Variants in TNN observed in about 807,000 individuals in gnomAD.
TNN encodes tenascin N, also known as tenascin-N.
TNN carries 122 observed loss-of-function variants against 134.4 expected under a neutral mutation model. The observed-to-expected ratio is 0.91, with a 90% confidence interval of 0.78 to 1.06. The LOEUF is 1.06. TNN is among the 50% of genes least tolerant of loss of function. The pLI, the probability that TNN is intolerant of heterozygous loss-of-function variation, is 0.00. For synonymous variants in TNN, 710 were observed against 670.3 expected, an observed-to-expected ratio of 1.06 and a Z score of -0.91; for missense variants, 1,739 against 1,699.4, an observed-to-expected ratio of 1.02 and a Z score of -0.41.
At chr1:175,113,656 C>G (rs1675094388) in intron 9 of TNN, among the ~76,000 whole-genome samples, 1 of 152,004 alleles carries the variant, frequency 6.6e-6, no homozygotes, top group African/African-American at 2.4e-5. Context: ...TTTTCTATAC[C>G]TTTTTACATC....
chr1:175,070,333 T>C (rs1164172334), intron 1 of TNN, among the ~76,000 whole-genome samples: 1 of 152,184 alleles, frequency 6.6e-6, no homozygotes, highest in African/African-American at 2.4e-5. Context: ...CAAAACAAAA[T>C]GAGCCTGTGG....
At chr1:175,137,397 T>TGTGA (rs10638677) in intron 17 of TNN, among the ~76,000 whole-genome samples, 8,420 of 149,230 alleles carry the variant, frequency 0.056, 289 homozygotes, top group African/African-American at 0.093. Flanking sequence ...TGTGTGATTA[T>TGTGA]TTGAGCTTTT....
At chr1:175,092,361 T>C (rs559931942) in intron 6 of TNN, among the ~76,000 whole-genome samples, 1 of 152,182 alleles carries the variant, frequency 6.6e-6, no homozygotes, top group African/African-American at 2.4e-5. Flanking sequence ...ATCCTAATTG[T>C]CCACTCTGTC....
Position 175,112,464 on chromosome 1 carries a change from G to C in TNN, c.2120-4475G>C, listed in dbSNP as rs188163826. Among the ~76,000 whole-genome samples the C allele has an allele frequency of 1.3e-3, 190 of 151,642 alleles. 1 individual carries two copies. Among genetic ancestry groups the C allele is most frequent in the African/African-American group, 4.5e-3 (187 of 41,350 alleles). ...AGCATAGCTACTCCTGTTTGCTTTT[G>C]GTTTCTGTTTACATGGAATATCTTT... On this transcript the variant is annotated intron_variant, in intron 9 of 18. Transcript: ENST00000239462.
chr1:175,127,761 C>CA (rs1675568490), intron 13 of TNN, among the ~76,000 whole-genome samples: 2 of 152,180 alleles, frequency 1.3e-5, no homozygotes, highest in South Asian at 4.1e-4. Context: ...CAAAGTCTCC[C>CA]AGAAACTTGG....
chr1:175,147,250 G>A lies in TNN; in HGVS notation c.*179G>A, dbSNP rs1676093449. 1.8e-6 allele frequency: 1 copy of A among 547,818 alleles called. No individual in the cohort carries two copies. Among genetic ancestry groups the A allele is most frequent in the African/African-American group, 1.9e-5 (1 of 52,024 alleles). The allele number at this position is 547,818 out of a possible 1,614,324, so 33.9% of individuals were successfully genotyped here. A position where few individuals can be genotyped will look rare whatever the true frequency, so the allele number is the denominator to read the frequency against. ...CCTGCATTTTTGCCCGTCTTTATGA[G>A]GGTCTTGAAAATCAAAATAGTAGTT... On this transcript the variant is annotated 3_prime_UTR_variant, in exon 19 of 19. Transcript: ENST00000239462.
intron 11 of TNN, among the ~76,000 whole-genome samples, chr1:175,121,527 C>T (rs889900911): frequency 2.6e-5 from 4 of 152,172 alleles, no homozygotes; most frequent in African/African-American, 7.2e-5. Flanking sequence ...ATTTAAAAAA[C>T]ATTTTCCAGG....
At chr1:175,125,415 GCTT>G (rs1298879506) in intron 12 of TNN, among the ~76,000 whole-genome samples, 2 of 151,800 alleles carry the variant, frequency 1.3e-5, no homozygotes, top group African/African-American at 4.8e-5. Context: ...TTTTTGCTGA[GCTT>G]CTGTTTTCCT....
chr1:175,137,107 C>T (rs1222748754), intron 17 of TNN, 119 bp downstream of exon 17: 10 of 1,078,790 alleles, frequency 9.3e-6, no homozygotes, highest in Non-Finnish European at 1.3e-5. Context: ...GAATTGTTCT[C>T]ATTGACAGTG....
chr1:175,074,331 A>G (rs1216362711), intron 1 of TNN, among the ~76,000 whole-genome samples: 1 of 152,082 alleles, frequency 6.6e-6, no homozygotes, highest in Non-Finnish European at 1.5e-5. Context: ...AAAAAAATAC[A>G]AAAATTAGCC....
At position 175,093,179 on chromosome 1, in the gene TNN, G is replaced by A. The variant is rs114363143; in HGVS notation, c.1325-811G>A. Among the ~76,000 whole-genome samples the A allele has an allele frequency of 5.1e-3, 770 of 152,310 alleles. 4 individuals are homozygous for A. Among genetic ancestry groups the A allele is most frequent in the Non-Finnish European group, 7.5e-3 (513 of 68,022 alleles). ...CACTTCCCTGGCCTCCCCTCCAGCCGCTTGACTTAACTCTGTCTAGATGCA... is the reference window on the plus strand; with the variant it reads ...CACTTCCCTGGCCTCCCCTCCAGCCACTTGACTTAACTCTGTCTAGATGCA... On this transcript the variant is annotated intron_variant, in intron 6 of 18. Transcript: ENST00000239462.
At chr1:175,106,386 C>G (rs1262794194) in intron 9 of TNN, among the ~76,000 whole-genome samples, 2 of 145,634 alleles carry the variant, frequency 1.4e-5, no homozygotes, top group African/African-American at 4.9e-5. Context: ...TTTTGTTAGG[C>G]CTGTTAGTCT....
At chr1:175,084,004 G>T in intron 5 of TNN, 69 bp downstream of exon 5, 2 of 1,482,964 alleles carry the variant, frequency 1.3e-6, no homozygotes, top group Non-Finnish European at 9.3e-7. Flanking sequence ...TGTGCAGAGG[G>T]CACTGGCATC....
chr1:175,076,500 T>C (rs894656207), intron 1 of TNN, among the ~76,000 whole-genome samples: 3 of 152,176 alleles, frequency 2.0e-5, no homozygotes, highest in Non-Finnish European at 4.4e-5. Context: ...GAGGGACAGG[T>C]CCATTTCTCT....
At chr1:175,099,113 C>T (rs1674651692) in intron 9 of TNN, among the ~76,000 whole-genome samples, 1 of 152,150 alleles carries the variant, frequency 6.6e-6, no homozygotes, top group African/African-American at 2.4e-5. Context: ...TGTCTATTTT[C>T]ATGTAATAGT....
intron 15 of TNN, among the ~76,000 whole-genome samples, chr1:175,134,337 G>C (rs1317203721): frequency 6.6e-6 from 1 of 152,086 alleles, no homozygotes; most frequent in Admixed American, 6.5e-5. Context: ...ACGAAGTCAG[G>C]AGTTCAAGAC....
chr1:175,144,164 T>G (rs531798604), intron 17 of TNN, among the ~76,000 whole-genome samples: 4 of 152,208 alleles, frequency 2.6e-5, no homozygotes, highest in Admixed American at 2.6e-4. Context: ...TGAGAACTGT[T>G]GGAGAAACAG....
intron 9 of TNN, among the ~76,000 whole-genome samples, chr1:175,109,990 C>T (rs971455853): frequency 2.0e-5 from 3 of 152,048 alleles, no homozygotes; most frequent in African/African-American, 4.8e-5. Context: ...CTAGTATTCC[C>T]CTTTCTCCAC....
intron 18 of TNN, among the ~76,000 whole-genome samples, chr1:175,145,563 A>AAAAAAAAAAAAAAAAAAC (rs1676044129): frequency 6.8e-6 from 1 of 147,514 alleles, no homozygotes; most frequent in Non-Finnish European, 1.5e-5. Context: ...AAAAAAAAAA[A>AAAAAAAAAAAAAAAAAAC]AAAAAAAAAA....
Sources: gnomAD v4.1 joint callset for allele counts (sites outside exome capture counted in the v4.1 genomes callset) on GRCh38, gnomAD v4.1.1 for gene constraint, MANE v1.5 for transcripts, NCBI Gene and HGNC (gene_info 2026-07-23, HGNC 2026-07-21) for gene names.